Variants in SSBP3 observed in about 807,000 individuals in gnomAD.
SSBP3 encodes single-stranded DNA-binding protein 3.
A neutral mutation model predicts 69.6 loss-of-function variants in SSBP3; 5 were observed. The ratio of observed to expected loss-of-function variants is 0.07; its 90% confidence interval spans 0.04 to 0.15. SSBP3 has a LOEUF of 0.15. Ranked by LOEUF, SSBP3 falls within the 10% of genes least tolerant of loss-of-function variation. SSBP3 has a pLI of 1.00. For missense variants in SSBP3, 312 were observed against 534.0 expected, an observed-to-expected ratio of 0.58 and a Z score of 4.10; for synonymous variants, 196 against 193.4, an observed-to-expected ratio of 1.01 and a Z score of -0.11.
At chr1:54,380,654 A>C (rs1337998204) in intron 4 of SSBP3, among the ~76,000 whole-genome samples, 1 of 152,162 alleles carries the variant, frequency 6.6e-6, no homozygotes, top group East Asian at 1.9e-4. Context: ...TATTCCAGAC[A>C]AACTCGCTGA....
chr1:54,239,851 T>G (rs561329611), intron 13 of SSBP3, among the ~76,000 whole-genome samples: 105 of 149,052 alleles, frequency 7.0e-4, no homozygotes, highest in African/African-American at 2.6e-3. Context: ...CGGGGGAGAG[T>G]CCCCTCCATC....
chr1:54,315,859 G>A (rs6658932), intron 4 of SSBP3, among the ~76,000 whole-genome samples: 1,575 of 151,902 alleles, frequency 0.01, 35 homozygotes, highest in African/African-American at 0.036. Context: ...ACAGGGTCGC[G>A]CCATATTGCC....
intron 4 of SSBP3, among the ~76,000 whole-genome samples, chr1:54,310,368 C>T (rs1205450540): frequency 6.6e-6 from 1 of 152,050 alleles, no homozygotes; most frequent in Non-Finnish European, 1.5e-5. Context: ...ATAGAGATTT[C>T]TAAAGGCATT....
intron 4 of SSBP3, among the ~76,000 whole-genome samples, chr1:54,343,225 C>T (rs574289576): frequency 1.6e-4 from 24 of 152,300 alleles, no homozygotes; most frequent in African/African-American, 5.3e-4. Context: ...ATACATTCCT[C>T]GCTGCGTGTC....
intron 14 of SSBP3, chr1:54,238,773 A>T: frequency 3.2e-6 from 1 of 317,302 alleles, no homozygotes; most frequent in East Asian, 8.8e-5. Flanking sequence ...ACCCAGGAGG[A>T]GAGGGATTGC....
chr1:54,357,866 C>T (rs1646893109), intron 4 of SSBP3, among the ~76,000 whole-genome samples: 1 of 152,228 alleles, frequency 6.6e-6, no homozygotes, highest in African/African-American at 2.4e-5. Context: ...TCCACATGCA[C>T]AGCAGTCATC....
intron 4 of SSBP3, among the ~76,000 whole-genome samples, chr1:54,308,894 C>T (rs1645948676): frequency 6.6e-6 from 1 of 150,626 alleles, no homozygotes; most frequent in African/African-American, 2.5e-5. Context: ...AGTCAGTGAC[C>T]CCACCTCCCC....
At chr1:54,379,092 C>T (rs1170824732) in intron 4 of SSBP3, among the ~76,000 whole-genome samples, 1 of 152,166 alleles carries the variant, frequency 6.6e-6, no homozygotes, top group East Asian at 1.9e-4. Context: ...CTCCCTCCAG[C>T]CCCGATCTGC....
chr1:54,276,826 C>A (rs909105983), intron 5 of SSBP3, among the ~76,000 whole-genome samples: 1 of 152,008 alleles, frequency 6.6e-6, no homozygotes, highest in Non-Finnish European at 1.5e-5. Flanking sequence ...AACAATTGCC[C>A]GGCAACCTCT....
At chr1:54,291,885 C>T (rs1370590284) in intron 4 of SSBP3, among the ~76,000 whole-genome samples, 1 of 152,224 alleles carries the variant, frequency 6.6e-6, no homozygotes, top group Non-Finnish European at 1.5e-5. Context: ...AATCCAGGTG[C>T]GAGCCCGCAT....
At chr1:54,353,083 G>C (rs949365699) in intron 4 of SSBP3, among the ~76,000 whole-genome samples, 1 of 152,156 alleles carries the variant, frequency 6.6e-6, no homozygotes, top group African/African-American at 2.4e-5. Flanking sequence ...TGGTTTCCTC[G>C]CCTGCACGGG....
intron 4 of SSBP3, among the ~76,000 whole-genome samples, chr1:54,317,463 A>G (rs1646133360): frequency 2.0e-5 from 3 of 152,014 alleles, no homozygotes; most frequent in Admixed American, 1.3e-4. Flanking sequence ...CCTGAGCCCA[A>G]GAGGCAGAGG....
At chr1:54,410,870 G>A (rs907030393), upstream of SSBP3, among the ~76,000 whole-genome samples, 2 of 152,256 alleles carry the variant, frequency 1.3e-5, no homozygotes, top group Non-Finnish European at 2.9e-5. Flanking sequence ...ATGATGGAGA[G>A]TAGCCGCTTG....
intron 15 of SSBP3, 31 bp from the exon 16 acceptor site, chr1:54,228,508 CT>C: frequency 6.2e-7 from 1 of 1,613,966 alleles, no homozygotes; most frequent in Non-Finnish European, 8.5e-7. Context: ...AATTCAGTTT[CT>C]TGCTTGCTCT....
In SSBP3 at chr1:54,271,763, C is replaced by CTTTTAT. The variant is rs1198286382; in HGVS notation, c.366+9674_366+9675insATAAAA. Among the ~76,000 whole-genome samples the CTTTTAT allele has an allele frequency of 8.5e-5, 13 of 152,252 alleles. No homozygotes were observed. In the South Asian group the frequency reaches 1.7e-3, roughly 19 times the overall value. ...GAAACAAGAGACGGGGCTTTTCTTT[C>CTTTTAT]TTTTCTTTTTCTTTTTCTTTTTTTG... On this transcript the variant is annotated intron_variant, in intron 5 of 17. Transcript: ENST00000610401.
intron 4 of SSBP3, among the ~76,000 whole-genome samples, chr1:54,302,770 C>T (rs1645825899): frequency 6.6e-6 from 1 of 152,194 alleles, no homozygotes; most frequent in South Asian, 2.1e-4. Context: ...GATGTTAAGG[C>T]TGCATGGGGG....
intron 4 of SSBP3, among the ~76,000 whole-genome samples, chr1:54,362,789 C>G (rs536493120): frequency 6.6e-6 from 1 of 152,338 alleles, no homozygotes; most frequent in Admixed American, 6.5e-5. Flanking sequence ...GAGCCACACG[C>G]TAGACTGCCC....
At chr1:54,277,210 C>T (rs138190194) in intron 5 of SSBP3, among the ~76,000 whole-genome samples, 134 of 152,182 alleles carry the variant, frequency 8.8e-4, no homozygotes, top group Middle Eastern at 3.4e-3. Flanking sequence ...CATTCACGTT[C>T]ATGGTAGACA....
chr1:54,271,182 C>T (rs1235761003), intron 5 of SSBP3, among the ~76,000 whole-genome samples: 2 of 152,150 alleles, frequency 1.3e-5, no homozygotes, highest in African/African-American at 4.8e-5. Flanking sequence ...GTGATCGAGG[C>T]TCACTGCAGT....
Sources: allele counts gnomAD v4.1 joint callset (sites outside exome capture counted in the v4.1 genomes callset), GRCh38; gene constraint gnomAD v4.1.1; transcripts MANE v1.5; gene names NCBI Gene and HGNC (gene_info 2026-07-23, HGNC 2026-07-21).